ZC3H7A: variants seen among roughly 807,000 people sequenced by gnomAD.
ZC3H7A encodes zinc finger CCCH domain-containing protein 7A.
In ZC3H7A, 44 loss-of-function variants were observed where a neutral mutation model predicts 125.5. That is an observed-to-expected ratio of 0.35 (90% CI 0.28 to 0.45). ZC3H7A has a LOEUF of 0.45. Among genes scored for constraint, ZC3H7A ranks in the 20% least tolerant of loss-of-function variants. The pLI is 1.00. For synonymous variants in ZC3H7A, 399 were observed against 391.2 expected (o/e 1.02, Z -0.23); for missense variants, 977 against 1,170.7 (o/e 0.83, Z 2.41).
chr16:11,764,649 G>A (rs981758536), intron 15 of ZC3H7A, among the ~76,000 whole-genome samples: 2 of 152,132 alleles, frequency 1.3e-5, no homozygotes, highest in African/African-American at 4.8e-5. Flanking sequence ...TTGAATCTGG[G>A]AGGCAGAACT....
At chr16:11,776,291 T>A (rs750661574) in intron 7 of ZC3H7A, 29 bp downstream of exon 7, 1 of 1,557,446 alleles carries the variant, frequency 6.4e-7, no homozygotes, top group Non-Finnish European at 8.7e-7. Flanking sequence ...TAAAAAAAAA[T>A]ATAATTTTGA....
chr16:11,752,724 C>G lies in ZC3H7A; in HGVS notation c.2671G>C (p.Asp891His). ...AAGCGGTGCTGCCAGCAGTACTGGT[C>G]GTCCTCGGTGTGGAAAACCTTCTCT... Reference protein sequence around the residue: ...HKEKVFHTEDDQYCWQHRFPT... With the variant: ...HKEKVFHTEDHQYCWQHRFPT... Residue 891 changes from aspartate to histidine, a missense_variant, in exon 22 of 23, where the codon GAC (aspartate) becomes CAC (histidine). By Grantham distance (81) the Asp-to-His change is moderately conservative. Transcript: ENST00000355758. 1 of 1,614,064 alleles carries G rather than the reference C, an allele frequency of 6.2e-7. No homozygotes were observed. The highest frequency in any genetic ancestry group is 8.5e-7 in the Non-Finnish European group (1 of 1,180,016).
At chr16:11,768,572 C>A in intron 11 of ZC3H7A, 71 bp from the exon 12 acceptor site, 2 of 1,263,852 alleles carry the variant, frequency 1.6e-6, no homozygotes, top group Non-Finnish European at 2.1e-6. Flanking sequence ...AAGAAAGGAA[C>A]TGAATTCATC....
chr16:11,788,205 CT>C (rs923285686), intron 1 of ZC3H7A, among the ~76,000 whole-genome samples: 17 of 152,164 alleles, frequency 1.1e-4, no homozygotes, highest in African/African-American at 4.1e-4. Context: ...TGGGCTAGGT[CT>C]GTCCCCACCT....
At chr16:11,773,467 A>G (rs7359489) in intron 9 of ZC3H7A, among the ~76,000 whole-genome samples, 5,415 of 152,018 alleles carry the variant, frequency 0.036, 449 homozygotes, top group African/African-American at 0.13. Flanking sequence ...AAGAATTGTA[A>G]AAAATATTCT....
At chr16:11,782,963 C>G (rs1019542526) in intron 1 of ZC3H7A, 2 of 152,428 alleles carry the variant, frequency 1.3e-5, no homozygotes, top group Admixed American at 6.5e-5. Flanking sequence ...TTGTATACCC[C>G]TCCTGAGCAG....
At chr16:11,794,714 C>T (rs2053407035) in intron 1 of ZC3H7A, among the ~76,000 whole-genome samples, 2 of 152,346 alleles carry the variant, frequency 1.3e-5, no homozygotes, top group South Asian at 4.1e-4. Context: ...CCAACAGTCA[C>T]TCTCACCATC....
At chr16:11,768,573 T>C in intron 11 of ZC3H7A, 72 bp from the exon 12 acceptor site, 3 of 1,204,686 alleles carry the variant, frequency 2.5e-6, no homozygotes, top group Non-Finnish European at 2.2e-6. Context: ...AGAAAGGAAC[T>C]GAATTCATCT....
chr16:11,778,466 T>A (rs982291146), intron 4 of ZC3H7A, among the ~76,000 whole-genome samples: 8 of 141,312 alleles, frequency 5.7e-5, no homozygotes, highest in Admixed American at 2.8e-4. Context: ...AAAACACTCG[T>A]AAGAGTGTTT....
intron 20 of ZC3H7A, among the ~76,000 whole-genome samples, chr16:11,757,500 A>C (rs2141160814): frequency 6.6e-6 from 1 of 151,834 alleles, no homozygotes; most frequent in East Asian, 1.9e-4. Context: ...AAAAAAAAAA[A>C]AAAAAAAAAA....
chr16:11,788,264 C>T (rs144430911), intron 1 of ZC3H7A, among the ~76,000 whole-genome samples: 39 of 152,206 alleles, frequency 2.6e-4, no homozygotes, highest in Middle Eastern at 3.4e-3. Flanking sequence ...CTCCACAGAC[C>T]TCTCACCTTG....
chr16:11,792,080 G>C (rs868279442), intron 1 of ZC3H7A, among the ~76,000 whole-genome samples: 39 of 152,122 alleles, frequency 2.6e-4, no homozygotes, highest in South Asian at 1.7e-3. Context: ...AATAATTTTT[G>C]TATTTTTTGT....
At chr16:11,781,522 G>T in intron 2 of ZC3H7A, 58 bp from the exon 3 acceptor site, 6 of 1,570,162 alleles carry the variant, frequency 3.8e-6, no homozygotes, top group Non-Finnish European at 5.2e-6. Flanking sequence ...GACCTGTTCA[G>T]CCAGAAGTCA....
chr16:11,771,920 C>A (rs968165843), intron 9 of ZC3H7A, among the ~76,000 whole-genome samples: 5 of 152,008 alleles, frequency 3.3e-5, no homozygotes, highest in African/African-American at 1.2e-4. Context: ...TGAGGCTGGG[C>A]ATGGTGGCTC....
At chr16:11,787,144 AC>A (rs112447216) in intron 1 of ZC3H7A, among the ~76,000 whole-genome samples, 26,112 of 151,898 alleles carry the variant, frequency 0.17, 2,886 homozygotes, top group East Asian at 0.48. Flanking sequence ...CCCCATCTCT[AC>A]AAAAAATTAA....
intron 9 of ZC3H7A, among the ~76,000 whole-genome samples, chr16:11,773,750 G>C (rs900495825): frequency 6.6e-6 from 1 of 151,718 alleles, no homozygotes; most frequent in African/African-American, 2.4e-5. Context: ...AGGCGTGGTG[G>C]CGGGCGCCTG....
chr16:11,776,670 C>G, intron 5 of ZC3H7A, 81 bp downstream of exon 5: 1 of 1,525,752 alleles, frequency 6.6e-7, no homozygotes, highest in Non-Finnish European at 8.8e-7. Flanking sequence ...TGATGGATGA[C>G]TGGAAAATTT....
chr16:11,751,478 T>C lies in ZC3H7A; in HGVS notation c.2755A>G (p.Asn919Asp). Reference sequence around the variant, plus strand: ...TTTCCATGTGCAAATTTACAGCTGTTTCCTTCTGGGCAGGTGCCATTCATA... The same window carrying C: ...TTTCCATGTGCAAATTTACAGCTGTCTCCTTCTGGGCAGGTGCCATTCATA... ...RYMNGTCPEGNSCKFAHGNAE... is the reference protein window; with the variant it reads ...RYMNGTCPEGDSCKFAHGNAE... The change falls in exon 23 of 23, where the codon AAC becomes GAC. Residue 919 changes from asparagine to aspartate, a missense_variant. By Grantham distance (23) the Asn-to-Asp change is conservative (BLOSUM62 1). Coordinates refer to ENST00000355758, the MANE Select transcript of ZC3H7A (RefSeq NM_014153.4). 1 of 1,613,652 alleles carries C rather than the reference T, an allele frequency of 6.2e-7. No homozygotes were observed. Among genetic ancestry groups the C allele is most frequent in the Non-Finnish European group, 8.5e-7 (1 of 1,179,656 alleles).
chr16:11,768,636 G>C, intron 11 of ZC3H7A, 135 bp from the exon 12 acceptor site: 1 of 763,298 alleles, frequency 1.3e-6, no homozygotes, highest in East Asian at 3.1e-5. Flanking sequence ...CATCCTTAAT[G>C]CTCTTCTATC....
Sources: gnomAD v4.1 joint callset for allele counts (sites outside exome capture counted in the v4.1 genomes callset) on GRCh38, gnomAD v4.1.1 for gene constraint, MANE v1.5 for transcripts, NCBI Gene and HGNC (gene_info 2026-07-23, HGNC 2026-07-21) for gene names.